Variants in PRKAR1A observed in about 807,000 individuals in gnomAD.
PRKAR1A encodes cAMP-dependent protein kinase type I-alpha regulatory subunit.
PRKAR1A carries 3 observed loss-of-function variants against 52.0 expected under a neutral mutation model. That is an observed-to-expected ratio of 0.06 (90% CI 0.03 to 0.15). PRKAR1A has a LOEUF of 0.15. Among genes scored for constraint, PRKAR1A ranks in the 10% least tolerant of loss-of-function variants. The probability of loss-of-function intolerance (pLI) is 1.00; values close to 1 mark genes in which losing one functional copy is unlikely to be tolerated. For missense variants in PRKAR1A, 240 were observed against 477.4 expected, an observed-to-expected ratio of 0.50 and a Z score of 4.63; for synonymous variants, 188 against 168.4, an observed-to-expected ratio of 1.12 and a Z score of -0.90.
In PRKAR1A at chr17:68,543,740, TCA is replaced by T. The variant is rs1491511136; in HGVS notation, c.974-7342_974-7341del. 6 of 1,602,152 alleles carry T rather than the reference TCA, an allele frequency of 3.7e-6. No homozygotes were observed. In the South Asian group the frequency reaches 4.4e-5, roughly 12 times the overall value. Reference sequence around the variant, plus strand: ...CTGCTGTCTGGAAGGAAGGAAGGAATCACGCCCTGGACTCAGACTTCAGCTGG... The same window carrying T: ...CTGCTGTCTGGAAGGAAGGAAGGAATCGCCCTGGACTCAGACTTCAGCTGG... On this transcript the variant is annotated intron_variant, in intron 11 of 11. Transcript: ENST00000585981.
the PRKAR1A span, among the ~76,000 whole-genome samples, chr17:68,486,266 G>C: frequency 2.0e-5 from 3 of 151,992 alleles, no homozygotes; most frequent in Non-Finnish European, 4.4e-5. Context: ...GCAGGAAACT[G>C]TTCTATGAAG....
At chr17:68,523,280 G>C (rs916853189) in intron 3 of PRKAR1A, among the ~76,000 whole-genome samples, 3 of 152,112 alleles carry the variant, frequency 2.0e-5, no homozygotes, top group African/African-American at 7.2e-5. Context: ...AGCCTCATTT[G>C]TCCTGTGTTC....
the PRKAR1A span, chr17:68,420,318 T>C: frequency 6.2e-7 from 1 of 1,614,150 alleles, no homozygotes; most frequent in Non-Finnish European, 8.5e-7. Flanking sequence ...TACCAGGCTG[T>C]GCTGCCCGAG....
At chr17:68,428,924 C>A in the PRKAR1A span, 1 of 1,613,868 alleles carries the variant, frequency 6.2e-7, no homozygotes, top group Non-Finnish European at 8.5e-7. Context: ...GCAGCCGTGG[C>A]AACTTCTGGA....
At chr17:68,510,186 A>AGAGAGAGAGAGAGAGAGAGAGAGG, upstream of PRKAR1A, among the ~76,000 whole-genome samples, 1 of 151,774 alleles carries the variant, frequency 6.6e-6, no homozygotes, top group Admixed American at 6.6e-5. Flanking sequence ...AGAGAGAGAG[A>AGAGAGAGAGAGAGAGAGAGAGAGG]GAGAGAGAGA....
chr17:68,511,391 G>GA (rs941779546), upstream of PRKAR1A, among the ~76,000 whole-genome samples: 544 of 149,230 alleles, frequency 3.6e-3, 6 homozygotes, highest in Middle Eastern at 0.027. Flanking sequence ...TACTCTGATG[G>GA]AAAAAAAAAA....
the PRKAR1A span, chr17:68,426,251 G>GGGGGGA: frequency 6.1e-6 from 5 of 825,456 alleles, 2 homozygotes; most frequent in Non-Finnish European, 3.8e-6. Context: ...GTGGGGAGCG[G>GGGGGGA]GGGCTCAAAT....
downstream of PRKAR1A, chr17:68,537,165 C>T (rs2086118510): frequency 1.8e-6 from 1 of 547,580 alleles, no homozygotes; most frequent in Admixed American, 2.2e-5. The surrounding 1 kb of genome is among the most constrained non-coding windows in gnomAD (Gnocchi z 4.2). Context: ...CATTAGTACT[C>T]TCCTGGGATC....
At chr17:68,536,042 A>G (rs911687181), downstream of PRKAR1A, 1 of 453,990 alleles carries the variant, frequency 2.2e-6, no homozygotes, top group Non-Finnish European at 4.4e-6. Context: ...TGAGTGCCTC[A>G]CCTGGTCAGA....
the PRKAR1A span, among the ~76,000 whole-genome samples, chr17:68,460,364 T>G: frequency 6.6e-6 from 1 of 152,188 alleles, no homozygotes; most frequent in African/African-American, 2.4e-5. Flanking sequence ...GCCCATTGGG[T>G]TGCTTTTAGA....
At chr17:68,450,434 G>C in the PRKAR1A span, among the ~76,000 whole-genome samples, 1 of 152,198 alleles carries the variant, frequency 6.6e-6, no homozygotes, top group Non-Finnish European at 1.5e-5. Context: ...GTCCAAGCCA[G>C]AGCTCTGACC....
At chr17:68,425,249 G>A in the PRKAR1A span, among the ~76,000 whole-genome samples, 2 of 152,308 alleles carry the variant, frequency 1.3e-5, no homozygotes, top group South Asian at 2.1e-4. Context: ...TTTCACCTAG[G>A]CTGGAGTGCA....
chr17:68,440,874 G>A, the PRKAR1A span: 1 of 152,238 alleles, frequency 6.6e-6, no homozygotes, highest in Non-Finnish European at 1.5e-5. Flanking sequence ...GTTGATTAAT[G>A]TCTCAGGTTA....
At chr17:68,534,003 G>A (rs8069914), downstream of PRKAR1A, among the ~76,000 whole-genome samples, 1,381 of 152,286 alleles carry the variant, frequency 9.1e-3, 20 homozygotes, top group African/African-American at 0.031. Context: ...AGCATTACAG[G>A]TGTGAGCCAG....
At chr17:68,486,529 CTTTCTTTCTTTCTTTCT>C in the PRKAR1A span, among the ~76,000 whole-genome samples, 4 of 123,214 alleles carry the variant, frequency 3.2e-5, no homozygotes, top group Non-Finnish European at 6.8e-5. Flanking sequence ...TTCTTTCTTT[CTTTCTTTCTTTCTTTCT>C]TTCTTTCTTT....
chr17:68,539,422 G>C, intron 11 of PRKAR1A: 1 of 1,610,146 alleles, frequency 6.2e-7, no homozygotes, highest in Non-Finnish European at 8.5e-7. Flanking sequence ...GGCTTTTATG[G>C]GTGGCCGGCA....
At chr17:68,512,818 T>TCCTGGGGC (rs995649420) in intron 1 of PRKAR1A, 1 of 151,218 alleles carries the variant, frequency 6.6e-6, no homozygotes, top group African/African-American at 2.4e-5. Flanking sequence ...ACCCCACGGC[T>TCCTGGGGC]CCTGGGGCCC....
At chr17:68,482,696 C>T in the PRKAR1A span, among the ~76,000 whole-genome samples, 1 of 152,104 alleles carries the variant, frequency 6.6e-6, no homozygotes, top group Admixed American at 6.5e-5. Context: ...AAAGAATGGG[C>T]AGAAAAGGAG....
At chr17:68,426,398 CTT>C in the PRKAR1A span, among the ~76,000 whole-genome samples, 2 of 152,164 alleles carry the variant, frequency 1.3e-5, no homozygotes, top group Non-Finnish European at 2.9e-5. Context: ...CATCCTACCT[CTT>C]TGAATTTTTC....
Sources: allele counts gnomAD v4.1 joint callset (sites outside exome capture counted in the v4.1 genomes callset), GRCh38; gene constraint gnomAD v4.1.1; non-coding constraint Gnocchi (gnomAD v3.1); transcripts MANE v1.5; gene names NCBI Gene and HGNC (gene_info 2026-07-23, HGNC 2026-07-21).